TMEM273: variants seen among roughly 807,000 people sequenced by gnomAD.
The protein encoded by TMEM273 is transmembrane protein 273, also known as chromosome 10 open reading frame 128.
In TMEM273, 19 loss-of-function variants were observed where a neutral mutation model predicts 17.9. The ratio of observed to expected loss-of-function variants is 1.06; its 90% CI spans 0.74 to 1.55. The LOEUF (loss-of-function observed/expected upper bound fraction) is 1.55. Ranked by LOEUF, TMEM273 falls within the 40% of genes most tolerant of loss-of-function variation. The pLI is 0.00. For missense variants in TMEM273, 194 were observed against 155.6 expected (o/e 1.25, Z -1.31); for synonymous variants, 66 against 62.0 (o/e 1.07, Z -0.31).
At chr10:49,177,087 C>A (rs955299303) in intron 1 of TMEM273, among the ~76,000 whole-genome samples, 3 of 152,148 alleles carry the variant, frequency 2.0e-5, no homozygotes, top group Non-Finnish European at 4.4e-5. Context: ...GGAAGCCAGG[C>A]CTGGCCTGGG....
At position 49,166,931 on chromosome 10, in the gene TMEM273, A is replaced by G; in HGVS notation, c.176T>C (p.Ile59Thr). 6 of 1,614,062 alleles carry G rather than the reference A, an allele frequency of 3.7e-6. No homozygotes were observed. Among genetic ancestry groups the G allele is most frequent in the Non-Finnish European group, 4.2e-6 (5 of 1,180,002 alleles). The change falls in exon 3 of 7, where the codon ATC becomes ACC. Residue 59 changes from isoleucine to threonine, a missense_variant. By Grantham distance (89) the Ile-to-Thr change is moderately conservative. Transcript: ENST00000374153. Reference protein sequence around the residue: ...AGFLALKICMIRRHLFDDDSS... With the variant: ...AGFLALKICMTRRHLFDDDSS... ...GTCGTCGTCAAATAAGTGCCTCCTG[A>G]TCATGCAGATCTTCAGGGCCAGGAA...
chr10:49,187,881 GT>G lies in TMEM273; in HGVS notation c.43+412del, dbSNP rs1847823674. On this transcript the variant is annotated intron_variant, in intron 1 of 6. Coordinates refer to ENST00000374153, the MANE Select transcript of TMEM273 (RefSeq NM_001288740.3). ...ACATGCCTACATGTTCTCATTCTATGTCAGTATTTTGATTTGACTTAATTAA... is the reference window on the plus strand; with the variant it reads ...ACATGCCTACATGTTCTCATTCTATGCAGTATTTTGATTTGACTTAATTAA... 3.3e-5 allele frequency among the ~76,000 whole-genome samples: 5 copies of G among 152,144 alleles called. No homozygotes were observed. In the South Asian group the frequency reaches 1.0e-3, roughly 32 times the overall value.
intron 1 of TMEM273, among the ~76,000 whole-genome samples, chr10:49,170,007 C>A (rs1177488055): frequency 6.6e-6 from 1 of 152,218 alleles, no homozygotes; most frequent in Non-Finnish European, 1.5e-5. Context: ...CCTCCCCCTG[C>A]CACACTAGCA....
intron 1 of TMEM273, among the ~76,000 whole-genome samples, chr10:49,181,411 T>G (rs1847333189): frequency 2.0e-5 from 3 of 152,186 alleles, no homozygotes; most frequent in African/African-American, 7.2e-5. Context: ...GCGAAAAATC[T>G]TTTTTGAAAA....
rs1845468332 is a variant in TMEM273 at position 49,155,705 on chromosome 10, T to C, written c.*187A>G. On this transcript the variant is annotated 3_prime_UTR_variant, in exon 7 of 7. Coordinates refer to ENST00000374153, the MANE Select transcript of TMEM273 (RefSeq NM_001288740.3). ...CAGTCCGTTTCTTCCAGAAGAGGCA[T>C]GATATTTTCCTTCAGGACAGAGGCA... 2.6e-6 allele frequency: 2 copies of C among 754,982 alleles called. No individual in the cohort carries two copies. The highest frequency in any genetic ancestry group is 4.3e-6 in the Non-Finnish European group (2 of 467,686). The allele number at this position is 754,982 out of a possible 1,614,324, so 46.8% of individuals were successfully genotyped here.
At chr10:49,184,134 T>C (rs925103031) in intron 1 of TMEM273, among the ~76,000 whole-genome samples, 4 of 152,160 alleles carry the variant, frequency 2.6e-5, no homozygotes, top group African/African-American at 9.7e-5. Context: ...ACAACTGATG[T>C]CCCATACAGA....
At position 49,188,368 on chromosome 10, in the gene TMEM273, G is replaced by C. The variant is rs1031555198; in HGVS notation, c.-32C>G. 7 of 1,613,872 alleles carry C rather than the reference G, an allele frequency of 4.3e-6. No homozygotes were observed. The African/African-American group carries it at 9.3e-5, about 22-fold the overall frequency. ...GCTCTGCTCTTGGCTCCTGGCTCCTGGCTGCTGGCAGCGCAGGCACAATGA... is the reference window on the plus strand; with the variant it reads ...GCTCTGCTCTTGGCTCCTGGCTCCTCGCTGCTGGCAGCGCAGGCACAATGA... On this transcript the variant is annotated 5_prime_UTR_variant, in exon 1 of 7. Coordinates refer to ENST00000374153, the MANE Select transcript of TMEM273 (RefSeq NM_001288740.3).
At chr10:49,165,147 A>C (rs1301353583) in intron 5 of TMEM273, 58 bp downstream of exon 5, 2 of 1,495,710 alleles carry the variant, frequency 1.3e-6, no homozygotes, top group Non-Finnish European at 1.8e-6. Flanking sequence ...AATTATAAAG[A>C]AAACTAAAGC....
intron 1 of TMEM273, among the ~76,000 whole-genome samples, chr10:49,182,836 G>A (rs1847429955): frequency 6.6e-6 from 1 of 152,098 alleles, no homozygotes; most frequent in Admixed American, 6.5e-5. Context: ...AAATACATCA[G>A]CCTTCCTCAG....
Position 49,165,777 on chromosome 10 carries a change from C to G in TMEM273, c.258G>C (p.Lys86Asn). The G allele has an allele frequency of 3.7e-6, 6 of 1,614,174 alleles. No individual in the cohort carries two copies. Among genetic ancestry groups the G allele is most frequent in the Non-Finnish European group, 5.1e-6 (6 of 1,180,028 alleles). The change falls in exon 4 of 7, where the codon AAG (lysine) becomes AAC (asparagine). Residue 86 changes from lysine (K) to asparagine (N), a missense_variant. Transcript: ENST00000374153. ...GGCAGTGACCTTACCTTGGGGCTCT[C>G]TTCTTTAGCGGGATGGTGTCTAAAC... is the stretch of plus-strand genomic sequence containing the variant. ...GGLSDTIPLK[K>N]RAPRKLQAST...
At position 49,167,975 on chromosome 10, in the gene TMEM273, A is replaced by C. The variant is rs1285525545; in HGVS notation, c.44-13T>G. On this transcript the variant is annotated splice_polypyrimidine_tract_variant and intron_variant, in intron 1 of 6. Transcript: ENST00000374153. Reference sequence around the variant, plus strand: ...GCTCCTCCTACATCTGCAAAGAAAGAAACCCCAGAGCCTGGTTAGAACAGA... The same window carrying C: ...GCTCCTCCTACATCTGCAAAGAAAGCAACCCCAGAGCCTGGTTAGAACAGA... 1 of 1,614,010 alleles carries C rather than the reference A, an allele frequency of 6.2e-7. No homozygotes were observed. Among genetic ancestry groups the C allele is most frequent in the Admixed American group, 1.7e-5 (1 of 60,020 alleles).
At chr10:49,183,501 A>G (rs1033241287) in intron 1 of TMEM273, among the ~76,000 whole-genome samples, 4 of 152,208 alleles carry the variant, frequency 2.6e-5, no homozygotes, top group Admixed American at 1.3e-4. Context: ...TGAAAGTTTG[A>G]ATTATTTTGA....
intron 1 of TMEM273, among the ~76,000 whole-genome samples, chr10:49,187,248 G>A (rs193092264): frequency 2.0e-5 from 3 of 152,256 alleles, no homozygotes; most frequent in Admixed American, 1.3e-4. Context: ...CCAACGGCCC[G>A]TTTCCATGTG....
chr10:49,167,434 G>A (rs1327377714), intron 2 of TMEM273, among the ~76,000 whole-genome samples: 2 of 152,254 alleles, frequency 1.3e-5, no homozygotes, highest in African/African-American at 2.4e-5. Context: ...GCAGTCAGCT[G>A]GGGAGGACAG....
chr10:49,168,939 T>A (rs1282214055), intron 1 of TMEM273, among the ~76,000 whole-genome samples: 4 of 152,176 alleles, frequency 2.6e-5, no homozygotes, highest in Non-Finnish European at 4.4e-5. Flanking sequence ...ATATATGTAA[T>A]ACTCACAGCA....
In TMEM273 at chr10:49,155,801, G is replaced by A. The variant is rs1297864423; in HGVS notation, c.*91C>T. The A allele has an allele frequency of 1.3e-6, 2 of 1,593,474 alleles. No individual in the cohort carries two copies. The highest frequency in any genetic ancestry group is 1.7e-5 in the Admixed American group (1 of 59,558). On this transcript the variant is annotated 3_prime_UTR_variant, in exon 7 of 7. Coordinates refer to ENST00000374153, the MANE Select transcript of TMEM273 (RefSeq NM_001288740.3). ...ATGTGAAAGTTCATTACCAGCCTTG[G>A]GTGTTTGAATGCAGAACATCCTGAG...
chr10:49,183,639 T>A (rs1042108935), intron 1 of TMEM273, among the ~76,000 whole-genome samples: 2 of 152,194 alleles, frequency 1.3e-5, no homozygotes, highest in Admixed American at 6.5e-5. Flanking sequence ...ATGCCTCAGT[T>A]TGAATCCCAA....
At chr10:49,187,532 T>A (rs763308028) in intron 1 of TMEM273, among the ~76,000 whole-genome samples, 1 of 152,194 alleles carries the variant, frequency 6.6e-6, no homozygotes, top group Non-Finnish European at 1.5e-5. Flanking sequence ...GAAACAACAG[T>A]TGATATCAGA....
At chr10:49,176,860 A>G (rs1196329539) in intron 1 of TMEM273, among the ~76,000 whole-genome samples, 40 of 152,224 alleles carry the variant, frequency 2.6e-4, no homozygotes. Flanking sequence ...TCTCCACTCT[A>G]GTTAGCTTTT....
Sources: allele counts gnomAD v4.1 joint callset (sites outside exome capture counted in the v4.1 genomes callset), GRCh38; gene constraint gnomAD v4.1.1; transcripts MANE v1.5; gene names NCBI Gene and HGNC (gene_info 2026-07-23, HGNC 2026-07-21).